ULK4: variants seen among roughly 807,000 people sequenced by gnomAD.
ULK4 encodes the protein inactive serine/threonine-protein kinase ULK4.
ULK4 carries 133 observed loss-of-function variants against 160.6 expected under a neutral mutation model. The ratio of observed to expected loss-of-function variants is 0.83; its 90% confidence interval spans 0.72 to 0.96. ULK4 has a LOEUF of 0.96. Among genes scored for constraint, ULK4 ranks in the 40% least tolerant of loss-of-function variants. The pLI is 0.00. For synonymous variants in ULK4, 534 were observed against 539.8 expected (o/e 0.99, Z 0.15); for missense variants, 1,580 against 1,499.5 (o/e 1.05, Z -0.89).
intron 34 of ULK4, among the ~76,000 whole-genome samples, chr3:41,439,250 T>G (rs770960353): frequency 6.6e-6 from 1 of 152,158 alleles, no homozygotes; most frequent in Admixed American, 6.5e-5. Flanking sequence ...TAGCTTGAGA[T>G]AGAAATTTGG....
chr3:41,736,095 T>G (rs1423359449), intron 22 of ULK4, among the ~76,000 whole-genome samples: 1 of 151,722 alleles, frequency 6.6e-6, no homozygotes, highest in African/African-American at 2.4e-5. Context: ...CTATCATTGT[T>G]GGACATTTGG....
intron 18 of ULK4, among the ~76,000 whole-genome samples, chr3:41,823,658 G>A (rs1177557796): frequency 6.6e-6 from 1 of 152,130 alleles, no homozygotes; most frequent in Non-Finnish European, 1.5e-5. Flanking sequence ...CTTCAGCTCA[G>A]TACCAACAGG....
At chr3:41,329,754 T>A (rs2125739268) in intron 35 of ULK4, among the ~76,000 whole-genome samples, 1 of 152,342 alleles carries the variant, frequency 6.6e-6, no homozygotes, top group South Asian at 2.1e-4. Context: ...TTTCCAAGTT[T>A]TCACTAATAC....
chr3:41,491,717 GCTTTA>G (rs1304399661), intron 32 of ULK4, among the ~76,000 whole-genome samples: 1 of 151,574 alleles, frequency 6.6e-6, no homozygotes, highest in Admixed American at 6.6e-5. Context: ...TTATTCATTT[GCTTTA>G]TTTTTATTTC....
At chr3:41,938,264 C>T (rs1036129818) in intron 2 of ULK4, 67 bp from the exon 3 acceptor site, 3 of 1,174,088 alleles carry the variant, frequency 2.6e-6, no homozygotes, top group Non-Finnish European at 3.6e-6. Context: ...CTGAGAAAAA[C>T]CTAAATATAC....
At chr3:41,452,110 T>C (rs1050663252) in intron 34 of ULK4, among the ~76,000 whole-genome samples, 3 of 152,196 alleles carry the variant, frequency 2.0e-5, no homozygotes, top group African/African-American at 7.2e-5. Context: ...TCTTGGTAGA[T>C]GCATACTGCC....
intron 30 of ULK4, among the ~76,000 whole-genome samples, chr3:41,621,278 T>C (rs1335162959): frequency 6.6e-6 from 1 of 152,178 alleles, no homozygotes; most frequent in Non-Finnish European, 1.5e-5. Context: ...AAATGTCATA[T>C]GGAACCAAAA....
intron 5 of ULK4, among the ~76,000 whole-genome samples, chr3:41,927,246 T>A (rs1371644522): frequency 2.0e-5 from 3 of 152,108 alleles, no homozygotes; most frequent in Non-Finnish European, 4.4e-5. Flanking sequence ...CCAGACAAAC[T>A]AAGCTTCATA....
chr3:41,615,754 G>C, intron 30 of ULK4, 37 bp from the exon 31 acceptor site: 2 of 1,593,248 alleles, frequency 1.3e-6, no homozygotes, highest in East Asian at 2.2e-5. Flanking sequence ...GTGCACATTA[G>C]ACAATTCATA....
intron 32 of ULK4, among the ~76,000 whole-genome samples, chr3:41,558,769 G>A (rs539953057): frequency 4.1e-4 from 62 of 151,592 alleles, no homozygotes; most frequent in Non-Finnish European, 5.9e-4. Context: ...TCGGTGGGCG[G>A]GGGGAAATTA....
intron 21 of ULK4, among the ~76,000 whole-genome samples, chr3:41,761,384 T>C (rs543124133): frequency 6.7e-6 from 1 of 148,548 alleles, no homozygotes; most frequent in East Asian, 2.0e-4. Context: ...ATATATTAGA[T>C]TTATTATACA....
At chr3:41,708,558 G>T (rs9828278) in intron 25 of ULK4, among the ~76,000 whole-genome samples, 10,835 of 152,114 alleles carry the variant, frequency 0.071, 746 homozygotes, top group African/African-American at 0.17. Context: ...ACAAAATTTT[G>T]ATTATATAGA....
At chr3:41,818,445 C>T (rs1001423658) in intron 19 of ULK4, among the ~76,000 whole-genome samples, 1 of 152,174 alleles carries the variant, frequency 6.6e-6, no homozygotes, top group African/African-American at 2.4e-5. Flanking sequence ...CCTCTAAGTG[C>T]ACCTAGCTTG....
chr3:41,899,851 T>C (rs903127805), intron 13 of ULK4, among the ~76,000 whole-genome samples: 13 of 152,004 alleles, frequency 8.6e-5, no homozygotes, highest in African/African-American at 2.9e-4. Flanking sequence ...TTATGAAAAA[T>C]AGCTAAATAA....
intron 31 of ULK4, among the ~76,000 whole-genome samples, chr3:41,595,777 T>C (rs116308323): frequency 4.9e-4 from 74 of 152,220 alleles, no homozygotes; most frequent in African/African-American, 1.7e-3. Flanking sequence ...TTGGTGACAT[T>C]AAAAAGTGCA....
At chr3:41,301,823 C>G (rs939063485) in intron 35 of ULK4, among the ~76,000 whole-genome samples, 4 of 152,110 alleles carry the variant, frequency 2.6e-5, no homozygotes, top group Non-Finnish European at 4.4e-5. Context: ...AAGGGACATT[C>G]TAAGAGTTAT....
At chr3:41,302,268 T>A (rs1360659588) in intron 35 of ULK4, among the ~76,000 whole-genome samples, 2 of 152,238 alleles carry the variant, frequency 1.3e-5, no homozygotes, top group Non-Finnish European at 2.9e-5. Context: ...TGAAATGTGC[T>A]TAACTTTTCT....
rs143473972 is a variant in ULK4 at position 41,566,050 on chromosome 3, C to T, written c.3201G>A (p.Ser1067=). Residue 1067 remains serine (S), a synonymous_variant, in exon 32 of 37, where the codon TCG becomes TCA. Transcript: ENST00000301831. ...LLSNLVACKD[S]NMELLYEQGL... ...CTTGTTCATAAAGTAGTTCCATATT[C>T]GAATCTTTGCAGGCAACTAGATTGC... 5.5e-3 allele frequency: 8,939 copies of T among 1,613,564 alleles called. 33 individuals are homozygous for T. The highest frequency in any genetic ancestry group is 6.7e-3 in the Non-Finnish European group (7,896 of 1,179,782).
intron 35 of ULK4, among the ~76,000 whole-genome samples, chr3:41,279,255 T>TGAAA (rs1553638183): frequency 2.3e-5 from 1 of 43,072 alleles, no homozygotes; most frequent in African/African-American, 1.3e-4. Flanking sequence ...AAAAAAAGAG[T>TGAAA]AAAAAAAAAA....
Sources: allele counts gnomAD v4.1 joint callset (sites outside exome capture counted in the v4.1 genomes callset), GRCh38; gene constraint gnomAD v4.1.1; transcripts MANE v1.5; gene names NCBI Gene and HGNC (gene_info 2026-07-23, HGNC 2026-07-21).